The following SLC25A48 variants were observed in gnomAD, a reference collection of about 807,000 sequenced individuals.
The protein encoded by SLC25A48 is CTC-321K16.1.
A neutral mutation model predicts 32.2 loss-of-function variants in SLC25A48; 29 were observed. That is an observed-to-expected ratio of 0.90 (90% CI 0.67 to 1.23). The LOEUF is 1.23. Ranked by LOEUF, SLC25A48 falls within the 50% of genes most tolerant of loss-of-function variation. The pLI is 0.00. For synonymous variants in SLC25A48, 164 were observed against 172.3 expected (o/e 0.95, Z 0.38); for missense variants, 399 against 422.7 (o/e 0.94, Z 0.49).
At chr5:135,626,216 G>A (rs1434847275) in intron 1 of SLC25A48, among the ~76,000 whole-genome samples, 1 of 152,234 alleles carries the variant, frequency 6.6e-6, no homozygotes, top group African/African-American at 2.4e-5. Context: ...AAGGTGGGTG[G>A]CAATGAGCTT....
At chr5:135,635,620 A>T (rs897050202) in intron 3 of SLC25A48, among the ~76,000 whole-genome samples, 33 of 152,354 alleles carry the variant, frequency 2.2e-4, no homozygotes, top group African/African-American at 5.3e-4. Context: ...TAAATGTTTA[A>T]CAAGTGGCTC....
chr5:135,653,957 G>T (rs1486670577), intron 3 of SLC25A48: 2 of 455,964 alleles, frequency 4.4e-6, no homozygotes, highest in Non-Finnish European at 8.8e-6. Flanking sequence ...GCTTTGGATG[G>T]TGGTGAGGGT....
rs188178089 is a variant in SLC25A48, at chr5:135,716,287, G to A, written c.-521+81331G>A. Among the ~76,000 whole-genome samples, 389 of 152,336 alleles carry A rather than the reference G, an allele frequency of 2.6e-3. 2 individuals carry two copies. The highest frequency in any genetic ancestry group is 9.2e-3 in the African/African-American group (383 of 41,576). The stretch of plus-strand genomic sequence containing the variant: ...AGCACAATTACTGAGAAAACTGGGA[G>A]AGAACTGCTCCACTCCACCACCCGC... On this transcript the variant is annotated intron_variant, in intron 3 of 10. Transcript: ENST00000646290.
chr5:135,811,528 GT>G (rs1399162065), intron 3 of SLC25A48, among the ~76,000 whole-genome samples: 2 of 152,084 alleles, frequency 1.3e-5, no homozygotes, highest in African/African-American at 4.8e-5. Flanking sequence ...AATGTATTGT[GT>G]TATTGAAAAT....
chr5:135,734,893 G>A (rs189048500), intron 3 of SLC25A48, among the ~76,000 whole-genome samples: 32 of 152,178 alleles, frequency 2.1e-4, no homozygotes, highest in South Asian at 6.2e-4. Context: ...CAAAGCATCT[G>A]TGATGGTCCA....
chr5:135,648,065 T>A (rs1190260752), intron 3 of SLC25A48, among the ~76,000 whole-genome samples: 3 of 152,132 alleles, frequency 2.0e-5, no homozygotes, highest in African/African-American at 7.2e-5. Flanking sequence ...ACGGGGAGAT[T>A]CATTCCGGGG....
At chr5:135,585,564 G>A (rs938052384) in intron 1 of SLC25A48, among the ~76,000 whole-genome samples, 1 of 152,128 alleles carries the variant, frequency 6.6e-6, no homozygotes, top group Non-Finnish European at 1.5e-5. Context: ...ATTAATTCTA[G>A]TTCCCCAGCT....
At chr5:135,769,556 C>T (rs1407537309) in intron 3 of SLC25A48, among the ~76,000 whole-genome samples, 1 of 151,600 alleles carries the variant, frequency 6.6e-6, no homozygotes, top group Non-Finnish European at 1.5e-5. Flanking sequence ...TTGTAATATT[C>T]AGGTGAGGAG....
intron 3 of SLC25A48, among the ~76,000 whole-genome samples, chr5:135,666,712 AC>A (rs1160009786): frequency 6.6e-6 from 1 of 152,020 alleles, no homozygotes; most frequent in Non-Finnish European, 1.5e-5. Flanking sequence ...GGGGAAGGAA[AC>A]CTTGTATTTT....
At chr5:135,650,559 T>TAA in intron 3 of SLC25A48, 3 of 240,608 alleles carry the variant, frequency 1.2e-5, no homozygotes, top group African/African-American at 1.6e-4. Context: ...GGAGTGGAAC[T>TAA]AAAAAAAAAA....
intron 1 of SLC25A48, among the ~76,000 whole-genome samples, chr5:135,608,417 G>A (rs969771012): frequency 6.6e-6 from 1 of 152,230 alleles, no homozygotes; most frequent in African/African-American, 2.4e-5. Context: ...TATAGCTCAA[G>A]TTAGAAGTGA....
At chr5:135,724,747 A>G (rs1402310864) in intron 3 of SLC25A48, among the ~76,000 whole-genome samples, 1 of 152,250 alleles carries the variant, frequency 6.6e-6, no homozygotes, top group African/African-American at 2.4e-5. Flanking sequence ...AGATGATTTC[A>G]ACAGACTGCA....
upstream of SLC25A48, among the ~76,000 whole-genome samples, chr5:135,834,468 T>A (rs1414631721): frequency 1.3e-5 from 2 of 152,208 alleles, no homozygotes; most frequent in Non-Finnish European, 2.9e-5. Flanking sequence ...CGGCTGGCAC[T>A]TTCAGTTCAA....
chr5:135,859,462 A>G (rs1436014174), intron 4 of SLC25A48, among the ~76,000 whole-genome samples: 1 of 152,166 alleles, frequency 6.6e-6, no homozygotes, highest in Non-Finnish European at 1.5e-5. Flanking sequence ...ACAATTCAAG[A>G]TGAGATTTGG....
chr5:135,775,429 A>C (rs1009979448), intron 3 of SLC25A48, among the ~76,000 whole-genome samples: 1 of 151,338 alleles, frequency 6.6e-6, no homozygotes, highest in Non-Finnish European at 1.5e-5. Flanking sequence ...TGTTCAGGGG[A>C]AAGAGAATAA....
chr5:135,763,692 C>T (rs1232525375), intron 3 of SLC25A48, among the ~76,000 whole-genome samples: 4 of 151,534 alleles, frequency 2.6e-5, no homozygotes, highest in East Asian at 1.9e-4. Context: ...TTGTCTTTCT[C>T]GAAGCCAAAA....
chr5:135,815,150 G>A (rs900414071), intron 4 of SLC25A48, among the ~76,000 whole-genome samples: 7 of 152,120 alleles, frequency 4.6e-5, no homozygotes, highest in Non-Finnish European at 8.8e-5. Context: ...CTAAAGCAGC[G>A]GTCCCCAACC....
rs932670544 is a variant in SLC25A48 at position 135,608,502 on chromosome 5, A to G, written c.-848-20735A>G. Among the ~76,000 whole-genome samples, 3 of 152,192 alleles carry G rather than the reference A, an allele frequency of 2.0e-5. 1 individual carries two copies. Among genetic ancestry groups the G allele is most frequent in the Non-Finnish European group, 4.4e-5 (3 of 68,036 alleles). ...AGCGTGTCTCCAGGTGAGCCAGCCA[A>G]TGAGGTGGTCCCAGAAAGCTGGGTC... On this transcript the variant is annotated intron_variant, in intron 1 of 10. Transcript: ENST00000646290.
At chr5:135,751,120 G>C (rs1310163925) in intron 3 of SLC25A48, among the ~76,000 whole-genome samples, 1 of 152,182 alleles carries the variant, frequency 6.6e-6, no homozygotes, top group African/African-American at 2.4e-5. Context: ...CCCAGCCCGT[G>C]CACTGGCTGG....
Sources: allele counts gnomAD v4.1 joint callset (sites outside exome capture counted in the v4.1 genomes callset), GRCh38; gene constraint gnomAD v4.1.1; transcripts MANE v1.5; gene names NCBI Gene and HGNC (gene_info 2026-07-23, HGNC 2026-07-21).